CPPED1: variants seen among roughly 807,000 people sequenced by gnomAD.
The protein encoded by CPPED1 is serine/threonine-protein phosphatase CPPED1.
CPPED1 carries 28 observed loss-of-function variants against 28.0 expected under a neutral mutation model. That is an observed-to-expected ratio of 1.00 (90% CI 0.74 to 1.37). The LOEUF (loss-of-function observed/expected upper bound fraction) is 1.37. CPPED1 is among the 40% of genes most tolerant of loss of function. The pLI, the probability that CPPED1 is intolerant of heterozygous loss-of-function variation, is 0.00. For missense variants in CPPED1, 504 were observed against 416.5 expected (o/e 1.21, Z -1.83); for synonymous variants, 198 against 180.2 (o/e 1.10, Z -0.79).
intron 2 of CPPED1, among the ~76,000 whole-genome samples, chr16:12,778,277 C>CTTTTTTTTTT (rs371883790): frequency 2.0e-4 from 23 of 116,154 alleles, no homozygotes; most frequent in Non-Finnish European, 2.9e-4. Context: ...TTCTTTCTTT[C>CTTTTTTTTTT]TTTTTTTTTT....
intron 3 of CPPED1, among the ~76,000 whole-genome samples, chr16:12,675,975 G>A (rs948164468): frequency 6.6e-6 from 1 of 152,220 alleles, no homozygotes; most frequent in East Asian, 1.9e-4. Context: ...AAGGGGAAGC[G>A]ACAGATGTTT....
chr16:12,763,923 G>A (rs1159227860), intron 2 of CPPED1, among the ~76,000 whole-genome samples: 1 of 147,888 alleles, frequency 6.8e-6, no homozygotes. Flanking sequence ...AATACAAGCT[G>A]GTATTTTGTC....
rs148841543 is a variant in CPPED1 at position 12,683,372 on chromosome 16, G to C, written c.716-18257C>G. On this transcript the variant is annotated intron_variant, in intron 3 of 3. Coordinates refer to ENST00000381774, the MANE Select transcript of CPPED1 (RefSeq NM_018340.3). ...GCCCTTTCAATGGTGGCCTTCCCCA[G>C]GCTCTGTCCATTCCCCTTCTCTCGT... Among the ~76,000 whole-genome samples the C allele has an allele frequency of 6.4e-3, 967 of 152,240 alleles. 11 individuals carry two copies. The highest frequency in any genetic ancestry group is 0.022 in the African/African-American group (921 of 41,542).
At chr16:12,742,226 C>A (rs2080259921) in intron 2 of CPPED1, among the ~76,000 whole-genome samples, 1 of 152,074 alleles carries the variant, frequency 6.6e-6, no homozygotes, top group African/African-American at 2.4e-5. Flanking sequence ...AATCACATAA[C>A]CAATAATAAG....
At chr16:12,756,144 A>AAG (rs2080366298) in intron 2 of CPPED1, among the ~76,000 whole-genome samples, 1 of 151,776 alleles carries the variant, frequency 6.6e-6, no homozygotes, top group African/African-American at 2.4e-5. Flanking sequence ...AAACAAAAAA[A>AAG]AATCGGAAGT....
intron 2 of CPPED1, among the ~76,000 whole-genome samples, chr16:12,767,618 T>C (rs1469368490): frequency 2.6e-5 from 4 of 152,162 alleles, no homozygotes; most frequent in African/African-American, 4.8e-5. Context: ...ACTGGCTGGA[T>C]GAAGCCCATC....
chr16:12,792,531 T>C (rs2080602838), intron 1 of CPPED1, among the ~76,000 whole-genome samples: 1 of 152,138 alleles, frequency 6.6e-6, no homozygotes, highest in Non-Finnish European at 1.5e-5. Flanking sequence ...TCCCCCCAGA[T>C]AGACCACTAT....
At position 12,781,244 on chromosome 16, in the gene CPPED1, T is replaced by A. The variant is rs868668337; in HGVS notation, c.230A>T (p.Lys77Met). The A allele has an allele frequency of 6.2e-7, 1 of 1,614,036 alleles. No individual in the cohort carries two copies. Among genetic ancestry groups the A allele is most frequent in the Non-Finnish European group, 8.5e-7 (1 of 1,180,016 alleles). Reference sequence around the variant, plus strand: ...GAAGAATTTGGGTTTGGGGTTCAGCTTGTTGATGGCCTGGACGGCTTGCTC... The same window carrying A: ...GAAGAATTTGGGTTTGGGGTTCAGCATGTTGATGGCCTGGACGGCTTGCTC... ...LTEQAVQAIN[K>M]LNPKPKFFVL... The change falls in exon 2 of 4, where the codon AAG becomes ATG. Residue 77 changes from lysine (K) to methionine (M), a missense_variant. Physicochemically the swap from Lys to Met is moderately conservative, Grantham distance 95. Transcript: ENST00000381774.
At chr16:12,698,746 A>G (rs1375082669) in intron 3 of CPPED1, among the ~76,000 whole-genome samples, 1 of 152,196 alleles carries the variant, frequency 6.6e-6, no homozygotes, top group African/African-American at 2.4e-5. Flanking sequence ...TTGAAATCTT[A>G]AAACTATAAC....
intron 3 of CPPED1, among the ~76,000 whole-genome samples, chr16:12,681,346 C>T (rs951503793): frequency 2.0e-5 from 3 of 152,088 alleles, no homozygotes; most frequent in Non-Finnish European, 4.4e-5. Flanking sequence ...CCCCTTTCCT[C>T]CTCACTCTTG....
At chr16:12,781,472 C>A in intron 1 of CPPED1, 69 bp from the exon 2 acceptor site, 1 of 1,412,548 alleles carries the variant, frequency 7.1e-7, no homozygotes, top group Non-Finnish European at 9.8e-7. Flanking sequence ...AACCAGCTTC[C>A]CATGCAAAGT....
chr16:12,673,870 G>C (rs767269815), intron 3 of CPPED1, among the ~76,000 whole-genome samples: 21 of 152,010 alleles, frequency 1.4e-4, no homozygotes, highest in Non-Finnish European at 2.8e-4. Context: ...AACATCATAA[G>C]ACCCTGTCTC....
At chr16:12,674,886 G>T (rs1713469) in intron 3 of CPPED1, among the ~76,000 whole-genome samples, 8 of 151,778 alleles carry the variant, frequency 5.3e-5, no homozygotes, top group African/African-American at 9.7e-5. Flanking sequence ...AGAGGTCTGG[G>T]GGGGAGCATG....
At chr16:12,717,968 T>C (rs2080116284) in intron 2 of CPPED1, among the ~76,000 whole-genome samples, 1 of 152,210 alleles carries the variant, frequency 6.6e-6, no homozygotes, top group Non-Finnish European at 1.5e-5. Flanking sequence ...TTATCAAATT[T>C]ACCCTTCGTA....
intron 1 of CPPED1, among the ~76,000 whole-genome samples, chr16:12,781,896 G>A (rs898782181): frequency 6.6e-6 from 1 of 152,030 alleles, no homozygotes; most frequent in Non-Finnish European, 1.5e-5. Flanking sequence ...AAAACTTGGC[G>A]CTTGGAAGCT....
At chr16:12,797,978 G>A (rs1025728766) in intron 1 of CPPED1, among the ~76,000 whole-genome samples, 2 of 152,184 alleles carry the variant, frequency 1.3e-5, no homozygotes, top group African/African-American at 4.8e-5. Flanking sequence ...AGCTACTCAG[G>A]AGGCTGAGGT....
intron 1 of CPPED1, among the ~76,000 whole-genome samples, chr16:12,784,819 G>A (rs551840926): frequency 7.2e-5 from 11 of 152,218 alleles, no homozygotes; most frequent in East Asian, 5.8e-4. Context: ...TTAACAAATC[G>A]TTTCCTATGA....
chr16:12,711,071 A>G (rs938834287), intron 2 of CPPED1, among the ~76,000 whole-genome samples: 5 of 152,206 alleles, frequency 3.3e-5, no homozygotes, highest in African/African-American at 1.2e-4. Flanking sequence ...TAGCTTAAAC[A>G]TGGAAGCAAC....
At chr16:12,801,734 GA>G (rs2080660906) in intron 1 of CPPED1, among the ~76,000 whole-genome samples, 1 of 152,134 alleles carries the variant, frequency 6.6e-6, no homozygotes, top group Non-Finnish European at 1.5e-5. Context: ...ATCCTTGCAG[GA>G]AATAGTTGGC....
Sources: allele counts gnomAD v4.1 joint callset (sites outside exome capture counted in the v4.1 genomes callset), GRCh38; gene constraint gnomAD v4.1.1; transcripts MANE v1.5; gene names NCBI Gene and HGNC (gene_info 2026-07-23, HGNC 2026-07-21).